ABCC3: variants seen among roughly 807,000 people sequenced by gnomAD.
The protein encoded by ABCC3 is ATP-binding cassette sub-family C member 3.
A neutral mutation model predicts 165.3 loss-of-function variants in ABCC3; 121 were observed. The ratio of observed to expected loss-of-function variants is 0.73; its 90% CI spans 0.63 to 0.85. The LOEUF is 0.85. Ranked by LOEUF, ABCC3 falls within the 40% of genes least tolerant of loss-of-function variation. The pLI, the probability that ABCC3 is intolerant of heterozygous loss-of-function variation, is 0.00. For missense variants in ABCC3, 1,869 were observed against 1,964.1 expected, an observed-to-expected ratio of 0.95 and a Z score of 0.92; for synonymous variants, 733 against 810.1, an observed-to-expected ratio of 0.90 and a Z score of 1.62.
chr17:50,650,785 G>A (rs746972137), intron 1 of ABCC3, among the ~76,000 whole-genome samples: 12 of 151,760 alleles, frequency 7.9e-5, no homozygotes, highest in Non-Finnish European at 1.6e-4. Flanking sequence ...CTTAACCCCG[G>A]CCAGGTACAG....
chr17:50,667,929 G>A lies in ABCC3; in HGVS notation c.1702G>A (p.Ala568Thr), dbSNP rs759020211. ...AAACAATGTGCTGGACGCCGAGAAG[G>A]CCTTTGTGTCTGTGTCCTTGTTTAA... ...DPNNVLDAEK[A>T]FVSVSLFNIL... The change falls in exon 13 of 31, where the codon GCC becomes ACC. Residue 568 changes from alanine (A) to threonine (T), a missense_variant. Ala to Thr is a moderately conservative substitution (Grantham distance 58, BLOSUM62 0). Coordinates refer to ENST00000285238, the MANE Select transcript of ABCC3 (RefSeq NM_003786.4). The A allele has an allele frequency of 2.9e-5, 47 of 1,614,082 alleles. No homozygotes were observed. The highest frequency in any genetic ancestry group is 3.9e-5 in the Non-Finnish European group (46 of 1,180,040).
At chr17:50,678,363 AAAAG>A in intron 25 of ABCC3, 144 bp downstream of exon 25, 1 of 926,452 alleles carries the variant, frequency 1.1e-6, no homozygotes, top group Non-Finnish European at 1.5e-6. Context: ...GAAAAAAAAA[AAAAG>A]AAAAAAATCA....
intron 11 of ABCC3, among the ~76,000 whole-genome samples, 170 bp from the exon 12 acceptor site, chr17:50,667,384 G>A (rs534900177): frequency 6.6e-6 from 1 of 152,136 alleles, no homozygotes; most frequent in Non-Finnish European, 1.5e-5. Flanking sequence ...GGCAGGGGCT[G>A]TGCATTCCAG....
At chr17:50,687,824 A>C (rs958189142) in intron 30 of ABCC3, 94 bp downstream of exon 30, 1 of 1,317,000 alleles carries the variant, frequency 7.6e-7, no homozygotes, top group African/African-American at 1.4e-5. Context: ...TGAACAAGGC[A>C]ATGTTCCTGG....
intron 6 of ABCC3, 93 bp from the exon 7 acceptor site, chr17:50,659,144 G>A (rs766764041): frequency 1.4e-6 from 2 of 1,472,030 alleles, no homozygotes; most frequent in East Asian, 2.3e-5. Flanking sequence ...CCTTTCTGGA[G>A]ACCCTGGGGC....
chr17:50,656,093 T>A, intron 2 of ABCC3, 85 bp downstream of exon 2: 1 of 1,113,562 alleles, frequency 9.0e-7, no homozygotes, highest in Non-Finnish European at 1.2e-6. Flanking sequence ...ATTAATTAAT[T>A]AATTAATTTA....
At position 50,663,800 on chromosome 17, in the gene ABCC3, A is replaced by T; in HGVS notation, c.1118A>T (p.Tyr373Phe). ...QSLILQHYYH[Y>F]IFVTGVKFRT... Reference sequence around the variant, plus strand: ...CTGATCTTACAACACTATTACCACTACATCTTTGTGACTGGGGTGAAGTTT... The same window carrying T: ...CTGATCTTACAACACTATTACCACTTCATCTTTGTGACTGGGGTGAAGTTT... The change falls in exon 9 of 31, where the codon TAC (tyrosine) becomes TTC (phenylalanine). Residue 373 changes from tyrosine to phenylalanine, a missense_variant. By Grantham distance (22) the Tyr-to-Phe change is conservative. Transcript: ENST00000285238. 6.2e-7 allele frequency: 1 copy of T among 1,614,092 alleles called. No homozygotes were observed. The highest frequency in any genetic ancestry group is 1.6e-4 in the Middle Eastern group (1 of 6,062).
intron 8 of ABCC3, among the ~76,000 whole-genome samples, chr17:50,662,665 G>A: frequency 6.7e-6 from 1 of 150,182 alleles, no homozygotes. Flanking sequence ...AAAAGAGAGA[G>A]AGAGACACCA....
rs776443083 is a variant in ABCC3 at position 50,664,093 on chromosome 17, G to A, written c.1320G>A (p.Ala440=). The A allele has an allele frequency of 1.1e-5, 17 of 1,614,054 alleles. No individual in the cohort carries two copies. The highest frequency in any genetic ancestry group is 3.3e-5 in the Admixed American group (2 of 59,998). The change falls in exon 10 of 31, where the codon GCG becomes GCA. Residue 440 remains alanine, a synonymous_variant. Transcript: ENST00000285238. The part of the protein sequence containing the change: ...LWSAPLQIIL[A]IYFLWQNLGP... ...CAGCACCCCTGCAGATCATCCTGGC[G>A]ATCTACTTCCTCTGGCAGGTGACTC...
In ABCC3 at chr17:50,645,371, CAAAAAAAAA is replaced by C. The variant is rs141598761; in HGVS notation, c.45+10410_45+10418del. Among the ~76,000 whole-genome samples the C allele has an allele frequency of 9.6e-3, 451 of 46,878 alleles. 7 individuals are homozygous for C. Among genetic ancestry groups the C allele is most frequent in the African/African-American group, 0.036 (406 of 11,156 alleles). 30.8% of individuals were successfully genotyped at this position (46,878 alleles called of 152,430 possible). ...CCTGGGCGACAGAGCAAGATTCCAT[CAAAAAAAAA>C]AAAAAAAAAAAAAAAAAAAGATGGG... On this transcript the variant is annotated intron_variant, in intron 1 of 30. Coordinates refer to ENST00000285238, the MANE Select transcript of ABCC3 (RefSeq NM_003786.4).
chr17:50,682,867 G>T (rs960516516), intron 26 of ABCC3, among the ~76,000 whole-genome samples: 1 of 152,138 alleles, frequency 6.6e-6, no homozygotes. Flanking sequence ...ATGGGTAAAG[G>T]TAATGAGAGG....
In ABCC3 at chr17:50,684,722, T is replaced by C; in HGVS notation, c.4127T>C (p.Phe1376Ser). ...LTIIPQDPIL[F>S]SGTLRMNLDP... is the part of the protein sequence containing the mutation. Reference sequence around the variant, plus strand: ...TTGTATCCCCAGGACCCCATCCTGTTCTCGGGGACCCTGCGCATGAACCTG... The same window carrying C: ...TTGTATCCCCAGGACCCCATCCTGTCCTCGGGGACCCTGCGCATGAACCTG... The change falls in exon 29 of 31, where the codon TTC becomes TCC. Residue 1376 changes from phenylalanine to serine, a missense_variant. By Grantham distance (155) the Phe-to-Ser change is radical. Transcript: ENST00000285238. 1 of 1,613,902 alleles carries C rather than the reference T, an allele frequency of 6.2e-7. No individual in the cohort carries two copies. Among genetic ancestry groups the C allele is most frequent in the South Asian group, 1.1e-5 (1 of 91,048 alleles).
chr17:50,653,624 A>T (rs756829857), intron 1 of ABCC3, among the ~76,000 whole-genome samples: 2 of 151,448 alleles, frequency 1.3e-5, no homozygotes, highest in Non-Finnish European at 2.9e-5. Flanking sequence ...GTGGAGGCAC[A>T]CACCTGTAAT....
At chr17:50,665,637 G>A (rs1040219535) in intron 11 of ABCC3, among the ~76,000 whole-genome samples, 7 of 148,538 alleles carry the variant, frequency 4.7e-5, no homozygotes, top group African/African-American at 1.5e-4. Context: ...ACAGGGTCTC[G>A]TTCTGTCACC....
At chr17:50,652,217 A>G (rs1005045718) in intron 1 of ABCC3, among the ~76,000 whole-genome samples, 1 of 152,244 alleles carries the variant, frequency 6.6e-6, no homozygotes, top group African/African-American at 2.4e-5. Flanking sequence ...TTATATAAAC[A>G]TAAACAGCAA....
rs45461799 is a variant in ABCC3 at position 50,684,736 on chromosome 17, C to A, written c.4141C>A (p.Arg1381Ser). 7.4e-6 allele frequency: 12 copies of A among 1,613,946 alleles called. No individual in the cohort carries two copies. The highest frequency in any genetic ancestry group is 3.3e-5 in the Admixed American group (2 of 59,980). Residue 1381 changes from arginine (R) to serine (S), a missense_variant, in exon 29 of 31, where the codon CGC becomes AGC. Arg to Ser is a moderately radical substitution (Grantham distance 110). Coordinates refer to ENST00000285238, the MANE Select transcript of ABCC3 (RefSeq NM_003786.4). Reference sequence around the variant, plus strand: ...CCCCATCCTGTTCTCGGGGACCCTGCGCATGAACCTGGACCCCTTCGGCAG... The same window carrying A: ...CCCCATCCTGTTCTCGGGGACCCTGAGCATGAACCTGGACCCCTTCGGCAG... ...QDPILFSGTL[R>S]MNLDPFGSYS...
At chr17:50,688,796 CT>C (rs1968069024) in intron 30 of ABCC3, among the ~76,000 whole-genome samples, 1 of 151,666 alleles carries the variant, frequency 6.6e-6, no homozygotes, top group Non-Finnish European at 1.5e-5. Context: ...ATCTCAGCTA[CT>C]CGGGAGGCTG....
At chr17:50,685,417 A>T (rs740786) in intron 29 of ABCC3, among the ~76,000 whole-genome samples, 63,841 of 152,034 alleles carry the variant, frequency 0.42, 13,874 homozygotes, top group Middle Eastern at 0.5. Flanking sequence ...TAACAGTCCA[A>T]ACCTCTTTGC....
intron 26 of ABCC3, among the ~76,000 whole-genome samples, chr17:50,683,147 T>A (rs1357636692): frequency 2.6e-5 from 4 of 151,866 alleles, no homozygotes; most frequent in Non-Finnish European, 5.9e-5. Context: ...AATTCAAGGT[T>A]GCATTGAGCT....
Sources: allele counts gnomAD v4.1 joint callset (sites outside exome capture counted in the v4.1 genomes callset), GRCh38; gene constraint gnomAD v4.1.1; transcripts MANE v1.5; gene names NCBI Gene and HGNC (gene_info 2026-07-23, HGNC 2026-07-21).